SUGP2: variants seen among roughly 807,000 people sequenced by gnomAD.
The protein encoded by SUGP2 is SURP and G-patch domain containing 2.
Under a neutral mutation model 90.5 loss-of-function variants are expected in SUGP2, and 24 were observed. The observed-to-expected ratio is 0.27, with a 90% CI of 0.19 to 0.37. The LOEUF is 0.37. SUGP2 is among the 10% of genes least tolerant of loss of function. The probability of loss-of-function intolerance (pLI) is 1.00; values close to 1 mark genes in which losing one functional copy is unlikely to be tolerated. For missense variants in SUGP2, 1,233 were observed against 1,363.3 expected, an observed-to-expected ratio of 0.90 and a Z score of 1.51; for synonymous variants, 473 against 513.4, an observed-to-expected ratio of 0.92 and a Z score of 1.06.
At chr19:19,018,686 C>CAAA (rs55923416) in intron 4 of SUGP2, among the ~76,000 whole-genome samples, 5,664 of 84,228 alleles carry the variant, frequency 0.067, 634 homozygotes, top group African/African-American at 0.11. Flanking sequence ...GGCTCCGTCT[C>CAAA]AAAAAAAAAA....
intron 5 of SUGP2, 122 bp downstream of exon 5, chr19:19,009,733 G>T: frequency 7.7e-7 from 1 of 1,299,524 alleles, no homozygotes; most frequent in South Asian, 1.5e-5. Flanking sequence ...TCCTGGCCAG[G>T]TCCCTAGAGC....
rs754989231 is a variant in SUGP2, at chr19:19,024,643, T to C, written c.1705A>G (p.Lys569Glu). ...CCATCACTCAGACTACTTGGAGCCT[T>C]GGCCTGAATTTCAGGTTTCGTAGGA... is the stretch of plus-strand genomic sequence containing the variant. ...IPPTKPEIQAKAPSSLSDAVP... is the reference protein window; with the variant it reads ...IPPTKPEIQAEAPSSLSDAVP... Residue 569 changes from lysine to glutamate, a missense_variant, in exon 3 of 11, where the codon AAG becomes GAG. By Grantham distance (56) the Lys-to-Glu change is moderately conservative. Transcript: ENST00000452918. 7 of 1,614,020 alleles carry C rather than the reference T, an allele frequency of 4.3e-6. No homozygotes were observed. The highest frequency in any genetic ancestry group is 1.3e-5 in the African/African-American group (1 of 74,942).
At chr19:19,015,273 T>G (rs2058458730) in intron 4 of SUGP2, among the ~76,000 whole-genome samples, 1 of 152,088 alleles carries the variant, frequency 6.6e-6, no homozygotes, top group South Asian at 2.1e-4. Flanking sequence ...TGAGAAGTAG[T>G]TTGAAGAACT....
intron 5 of SUGP2, among the ~76,000 whole-genome samples, chr19:19,009,637 G>A (rs556185712): frequency 5.3e-5 from 8 of 152,330 alleles, no homozygotes; most frequent in African/African-American, 9.6e-5. Context: ...TACCAGCTCC[G>A]CTCTCAGAAG....
chr19:19,001,504 C>T lies in SUGP2; in HGVS notation c.2991+109G>A, dbSNP rs2057831396. On this transcript the variant is annotated intron_variant, in intron 8 of 10. Coordinates refer to ENST00000452918, the MANE Select transcript of SUGP2 (RefSeq NM_001017392.5). ...TGTTGTGTTTTACACATTAATACCT[C>T]AGTTTGAAATGTTAGCACAGCTTAA... The T allele has an allele frequency of 8.0e-6, 9 of 1,121,182 alleles. No homozygotes were observed. In the East Asian group the frequency reaches 1.9e-4, roughly 24 times the overall value. 69.5% of individuals were successfully genotyped at this position (1,121,182 alleles called of 1,614,324 possible). A position where few individuals can be genotyped will look rare whatever the true frequency, so the allele number is the denominator to read the frequency against.
intron 1 of SUGP2, among the ~76,000 whole-genome samples, chr19:19,031,535 A>C (rs2145779117): frequency 1.5e-5 from 2 of 136,308 alleles, no homozygotes; most frequent in East Asian, 4.0e-4. Flanking sequence ...CTCCGTCTCA[A>C]AAAAAAAAAA....
At chr19:19,017,699 G>A (rs1267222491) in intron 4 of SUGP2, among the ~76,000 whole-genome samples, 1 of 148,276 alleles carries the variant, frequency 6.7e-6, no homozygotes, top group East Asian at 2.0e-4. Context: ...TTGAACCTGG[G>A]AAACAGAGGT....
At chr19:18,995,753 C>T (rs1281312191) in intron 8 of SUGP2, among the ~76,000 whole-genome samples, 1 of 152,166 alleles carries the variant, frequency 6.6e-6, no homozygotes, top group South Asian at 2.1e-4. Context: ...CCCCAACATA[C>T]CCCTCCCCGA....
At chr19:19,033,599 C>A (rs886627088), upstream of SUGP2, 43 of 1,184,526 alleles carry the variant, frequency 3.6e-5, no homozygotes, top group East Asian at 7.5e-5. Flanking sequence ...AGGCGCGGGC[C>A]GCCGCGGCCC....
intron 6 of SUGP2, 96 bp downstream of exon 6, chr19:19,008,221 T>C: frequency 1.9e-6 from 2 of 1,061,916 alleles, no homozygotes; most frequent in Non-Finnish European, 2.9e-6. Flanking sequence ...GGAGGATCAC[T>C]TGAGCCCAGG....
chr19:19,021,218 T>C (rs2058715977), intron 3 of SUGP2, among the ~76,000 whole-genome samples: 1 of 145,996 alleles, frequency 6.8e-6, no homozygotes, highest in Admixed American at 6.9e-5. Flanking sequence ...CTCAACTCAA[T>C]TAAAATCACT....
In SUGP2 at chr19:19,026,023, G is replaced by A. The variant is rs757812642; in HGVS notation, c.325C>T (p.Arg109Trp). ...DDSYFRKECGRDLEFSHSDSR... is the reference protein window; with the variant it reads ...DDSYFRKECGWDLEFSHSDSR... ...TCAGAGTGAGAAAATTCCAGATCCC[G>A]GCCACATTCTTTGCGAAAGTAGCTG... is the stretch of plus-strand genomic sequence containing the variant. Residue 109 changes from arginine to tryptophan, a missense_variant, in exon 3 of 11, where the codon CGG becomes TGG. Coordinates refer to ENST00000452918, the MANE Select transcript of SUGP2 (RefSeq NM_001017392.5). 25 of 1,613,902 alleles carry A rather than the reference G, an allele frequency of 1.5e-5. No individual in the cohort carries two copies. Among genetic ancestry groups the A allele is most frequent in the South Asian group, 3.3e-5 (3 of 91,076 alleles).
chr19:19,019,306 G>A, intron 3 of SUGP2, 77 bp from the exon 4 acceptor site: 1 of 1,519,298 alleles, frequency 6.6e-7, no homozygotes, highest in South Asian at 1.2e-5. Flanking sequence ...TTGAGTAGTT[G>A]GGGGCTTAGT....
chr19:19,005,883 A>AC (rs2058056203), intron 6 of SUGP2, among the ~76,000 whole-genome samples: 11 of 24,526 alleles, frequency 4.5e-4, no homozygotes, highest in Non-Finnish European at 1.0e-3. Flanking sequence ...ACACACACAC[A>AC]CACACACACC....
intron 6 of SUGP2, among the ~76,000 whole-genome samples, chr19:19,007,755 CTTTTTTTTTT>C (rs34670209): frequency 8.8e-6 from 1 of 113,404 alleles, no homozygotes; most frequent in Non-Finnish European, 1.8e-5. Flanking sequence ...TGCACCTAGC[CTTTTTTTTTT>C]TTTTTTTTTT....
At chr19:18,997,614 C>T (rs189091075) in intron 8 of SUGP2, among the ~76,000 whole-genome samples, 6 of 152,034 alleles carry the variant, frequency 3.9e-5, no homozygotes, top group Admixed American at 3.9e-4. Context: ...GAATCCCCAT[C>T]TCTACTAAAA....
At position 19,026,123 on chromosome 19, in the gene SUGP2, G is replaced by C; in HGVS notation, c.225C>G (p.Ala75=). 6.2e-7 allele frequency: 1 copy of C among 1,614,052 alleles called. No homozygotes were observed. The highest frequency in any genetic ancestry group is 8.5e-7 in the Non-Finnish European group (1 of 1,180,022). The change falls in exon 3 of 11, where the codon GCC becomes GCG. Residue 75 remains alanine (A), a synonymous_variant. Coordinates refer to ENST00000452918, the MANE Select transcript of SUGP2 (RefSeq NM_001017392.5). ...CGTCACTTCTCAGGCCTTCTCTTCC[G>C]GCATCTCTAGAGTGAGCTACAGATC... The part of the protein sequence containing the change: ...LSGSVAHSRD[A]GREGLRSDVF...
chr19:19,025,965 A>G lies in SUGP2; in HGVS notation c.383T>C (p.Leu128Ser). Residue 128 changes from leucine (L) to serine (S), a missense_variant, in exon 3 of 11, where the codon TTG becomes TCG. This residue lies in a region of SUGP2 where 418 missense variants were observed against 399.9 expected (regional missense o/e 1.05). Coordinates refer to ENST00000452918, the MANE Select transcript of SUGP2 (RefSeq NM_001017392.5). ...SRDQVIGHRK[L>S]GHFRSQDWKF... Reference sequence around the variant, plus strand: ...CCAGTCCTGAGAACGGAAATGCCCCAATTTCCGGTGGCCAATGACCTGGTC... The same window carrying G: ...CCAGTCCTGAGAACGGAAATGCCCCGATTTCCGGTGGCCAATGACCTGGTC... 1 of 1,614,144 alleles carries G rather than the reference A, an allele frequency of 6.2e-7. No individual in the cohort carries two copies. Among genetic ancestry groups the G allele is most frequent in the Non-Finnish European group, 8.5e-7 (1 of 1,180,036 alleles).
At position 19,004,623 on chromosome 19, in the gene SUGP2, G is replaced by C; in HGVS notation, c.2474C>G (p.Ser825Cys). The change falls in exon 7 of 11, where the codon TCT becomes TGT. Residue 825 changes from serine (S) to cysteine (C), a missense_variant. Physicochemically the swap from Ser to Cys is moderately radical, Grantham distance 112. Around this residue, in one of 8 missense-constraint regions of SUGP2, gnomAD observed 540 missense variants for 542.6 expected, o/e 1.00. Coordinates refer to ENST00000452918, the MANE Select transcript of SUGP2 (RefSeq NM_001017392.5). The part of the protein sequence containing the change: ...DLWFLHDQNS[S>C]AFKFYRKKVF... ...TTTCTTTCGATAGAATTTGAAAGCA[G>C]AACTATTTTGGTCATGTAGAAACCT... 6.2e-7 allele frequency: 1 copy of C among 1,610,136 alleles called. No homozygotes were observed. The highest frequency in any genetic ancestry group is 8.5e-7 in the Non-Finnish European group (1 of 1,177,476).
Sources: gnomAD v4.1 joint callset for allele counts (sites outside exome capture counted in the v4.1 genomes callset) on GRCh38, gnomAD v4.1.1 for gene constraint, gnomAD v4.1.1 regional missense constraint, MANE v1.5 for transcripts, NCBI Gene and HGNC (gene_info 2026-07-23, HGNC 2026-07-21) for gene names.